RASGRP3: variants seen among roughly 807,000 people sequenced by gnomAD.
The protein encoded by RASGRP3 is RAS guanyl releasing protein 3.
Under a neutral mutation model 82.7 loss-of-function variants are expected in RASGRP3, and 54 were observed. The ratio of observed to expected loss-of-function variants is 0.65; its 90% CI spans 0.52 to 0.82. The LOEUF (loss-of-function observed/expected upper bound fraction) is 0.82. RASGRP3 is among the 40% of genes least tolerant of loss of function. The pLI, the probability that RASGRP3 is intolerant of heterozygous loss-of-function variation, is 0.00. For synonymous variants in RASGRP3, 309 were observed against 300.5 expected, an observed-to-expected ratio of 1.03 and a Z score of -0.29; for missense variants, 861 against 828.9, an observed-to-expected ratio of 1.04 and a Z score of -0.48.
intron 1 of RASGRP3, among the ~76,000 whole-genome samples, chr2:33,505,648 C>T (rs1278095526): frequency 1.3e-5 from 2 of 152,146 alleles, no homozygotes; most frequent in Non-Finnish European, 2.9e-5. Context: ...AAATATTGAT[C>T]TTTAAAAAAA....
intron 1 of RASGRP3, among the ~76,000 whole-genome samples, chr2:33,438,188 G>A (rs1487463732): frequency 6.6e-6 from 1 of 152,242 alleles, no homozygotes; most frequent in Non-Finnish European, 1.5e-5. Flanking sequence ...TGAGTTAGAT[G>A]TATTATTTCA....
At chr2:33,523,796 T>C (rs973673991) in intron 7 of RASGRP3, 83 bp from the exon 8 acceptor site, 2 of 1,297,090 alleles carry the variant, frequency 1.5e-6, no homozygotes, top group South Asian at 1.6e-5. Context: ...AAACAATATC[T>C]CACCTTTTCT....
At chr2:33,444,514 A>G (rs1665401141) in intron 1 of RASGRP3, among the ~76,000 whole-genome samples, 1 of 152,204 alleles carries the variant, frequency 6.6e-6, no homozygotes, top group Non-Finnish European at 1.5e-5. Flanking sequence ...CCTAGTGGCT[A>G]CTGTATAAGA....
At chr2:33,452,924 T>C (rs1346628880) in intron 2 of RASGRP3, among the ~76,000 whole-genome samples, 1 of 152,148 alleles carries the variant, frequency 6.6e-6, no homozygotes, top group Non-Finnish European at 1.5e-5. Flanking sequence ...GAGCCTGGGA[T>C]CATGAGGGCT....
intron 7 of RASGRP3, among the ~76,000 whole-genome samples, chr2:33,522,860 T>A (rs1318043921): frequency 6.6e-6 from 1 of 152,212 alleles, no homozygotes; most frequent in African/African-American, 2.4e-5. Context: ...AAAGACTGAT[T>A]CTTTCACTAA....
intron 14 of RASGRP3, among the ~76,000 whole-genome samples, chr2:33,554,150 C>T (rs1675663652): frequency 1.3e-5 from 2 of 152,152 alleles, no homozygotes; most frequent in Admixed American, 1.3e-4. Flanking sequence ...AAGGAGCAGT[C>T]TTTGTATACT....
intron 1 of RASGRP3, chr2:33,481,718 T>G (rs954364147): frequency 3.9e-5 from 6 of 152,190 alleles, no homozygotes; most frequent in African/African-American, 1.4e-4. Flanking sequence ...TTTGTTTGTT[T>G]TTTCAGACAG....
At chr2:33,497,010 T>C (rs1669389781) in intron 1 of RASGRP3, among the ~76,000 whole-genome samples, 1 of 152,246 alleles carries the variant, frequency 6.6e-6, no homozygotes, top group South Asian at 2.1e-4. Flanking sequence ...TTTTTCCTAC[T>C]CATTGATTAA....
chr2:33,507,946 G>A (rs1311689144), intron 1 of RASGRP3, among the ~76,000 whole-genome samples: 2 of 152,268 alleles, frequency 1.3e-5, no homozygotes, highest in African/African-American at 4.8e-5. Context: ...GGCAAGAGAT[G>A]ATGGTTGTCT....
At chr2:33,503,146 C>CTAA (rs2150984223) in intron 1 of RASGRP3, among the ~76,000 whole-genome samples, 1 of 152,292 alleles carries the variant, frequency 6.6e-6, no homozygotes, top group Admixed American at 6.5e-5. Context: ...TAGTTGGGAA[C>CTAA]ATTTCACAAT....
intron 6 of RASGRP3, 83 bp from the exon 7 acceptor site, chr2:33,521,872 A>T: frequency 6.7e-7 from 1 of 1,490,356 alleles, no homozygotes; most frequent in African/African-American, 1.4e-5. Context: ...GCAAGCCAAG[A>T]GTTGCAGAGT....
intron 14 of RASGRP3, among the ~76,000 whole-genome samples, chr2:33,553,322 C>T (rs1451231144): frequency 6.6e-6 from 1 of 152,128 alleles, no homozygotes; most frequent in African/African-American, 2.4e-5. Context: ...TCAGTCTCCT[C>T]ATCTGTAAAA....
At chr2:33,446,584 G>T (rs146477883) in intron 1 of RASGRP3, among the ~76,000 whole-genome samples, 200 of 152,106 alleles carry the variant, frequency 1.3e-3, no homozygotes, top group African/African-American at 4.6e-3. Context: ...AGAATGGTTA[G>T]AATTAAATAT....
At chr2:33,485,702 C>A (rs571006058) in intron 1 of RASGRP3, among the ~76,000 whole-genome samples, 1 of 152,292 alleles carries the variant, frequency 6.6e-6, no homozygotes, top group Non-Finnish European at 1.5e-5. Context: ...ATAAAAGGGC[C>A]AAGCAGACCT....
chr2:33,484,779 A>G lies in RASGRP3; in HGVS notation c.-261+8072A>G, dbSNP rs1338568842. 2.6e-5 allele frequency among the ~76,000 whole-genome samples: 4 copies of G among 152,244 alleles called. No homozygotes were observed. The South Asian group carries it at 8.3e-4, about 31-fold the overall frequency. ...CTTGCAGAAGAGAAAAATAAATTTT[A>G]GAGAAGTCATATACCTTGTAGAAGG... is the stretch of plus-strand genomic sequence containing the variant. On this transcript the variant is annotated intron_variant, in intron 1 of 17. Transcript: ENST00000403687.
At chr2:33,513,363 A>G (rs1311037907) in intron 2 of RASGRP3, among the ~76,000 whole-genome samples, 1 of 152,062 alleles carries the variant, frequency 6.6e-6, no homozygotes, top group African/African-American at 2.4e-5. Flanking sequence ...GACATTAGGT[A>G]TTTTTTCCTA....
intron 1 of RASGRP3, among the ~76,000 whole-genome samples, chr2:33,477,456 T>C (rs1667477432): frequency 6.6e-6 from 1 of 152,236 alleles, no homozygotes; most frequent in Non-Finnish European, 1.5e-5. Context: ...TTCCTTATTT[T>C]AGTGTTTTCG....
At chr2:33,453,966 GT>G (rs1265055610) in intron 2 of RASGRP3, among the ~76,000 whole-genome samples, 1 of 152,116 alleles carries the variant, frequency 6.6e-6, no homozygotes, top group Non-Finnish European at 1.5e-5. Context: ...CAAAATCAAG[GT>G]GTCAGCAGGT....
chr2:33,539,115 C>A lies in RASGRP3; in HGVS notation c.1183C>A (p.Pro395Thr). ...SKSQPTSPTT[P>T]NKPVVPLEWA... ...TCAGCAGCCTACCTCCCCTACGACG[C>A]CCAACAAGCCTGTGGTACCCCTGGA... The change falls in exon 12 of 18, where the codon CCC becomes ACC. Residue 395 changes from proline (P) to threonine (T), a missense_variant. Physicochemically the swap from Pro to Thr is conservative, Grantham distance 38. Transcript: ENST00000403687. 1 of 1,609,430 alleles carries A rather than the reference C, an allele frequency of 6.2e-7. No individual in the cohort carries two copies. The highest frequency in any genetic ancestry group is 1.1e-5 in the South Asian group (1 of 89,840).
Sources: gnomAD v4.1 joint callset for allele counts (sites outside exome capture counted in the v4.1 genomes callset) on GRCh38, gnomAD v4.1.1 for gene constraint, MANE v1.5 for transcripts, NCBI Gene and HGNC (gene_info 2026-07-23, HGNC 2026-07-21) for gene names.